Variants in DNAH2 observed in about 807,000 individuals in gnomAD.
DNAH2 encodes the protein dynein axonemal heavy chain 2, also known as axonemal beta dynein heavy chain 2.
Under a neutral mutation model 523.5 loss-of-function variants are expected in DNAH2, and 323 were observed. That is an observed-to-expected ratio of 0.62 (90% CI 0.56 to 0.68). DNAH2 has a LOEUF of 0.68. DNAH2 is among the 30% of genes least tolerant of loss of function. The pLI, the probability that DNAH2 is intolerant of heterozygous loss-of-function variation, is 0.00. For missense variants in DNAH2, 4,907 were observed against 5,701.5 expected (o/e 0.86, Z 4.49); for synonymous variants, 2,093 against 2,177.4 (o/e 0.96, Z 1.08).
At position 7,831,086 on chromosome 17, in the gene DNAH2, G is replaced by C. The variant is rs148724035; in HGVS notation, c.12231G>C (p.Arg4077=). 6.2e-7 allele frequency: 1 copy of C among 1,612,708 alleles called. No homozygotes were observed. Among genetic ancestry groups the C allele is most frequent in the South Asian group, 1.1e-5 (1 of 91,080 alleles). ...CAGTAATTATGCTATGACTCCCTAGGTTGTCAGCACTGGAGACTTATTTCA... is the reference window on the plus strand; with the variant it reads ...CAGTAATTATGCTATGACTCCCTAGCTTGTCAGCACTGGAGACTTATTTCA... ...CDQSLSTPFH[R]LSALETYFIP... is the part of the protein sequence containing the mutation. The change falls in exon 80 of 86, where the codon CGG becomes CGC. Residue 4077 remains arginine, a splice_region_variant and synonymous_variant. Coordinates refer to ENST00000572933, the MANE Select transcript of DNAH2 (RefSeq NM_020877.5). This position sits in a 1 kb window ranked among gnomAD's most constrained non-coding sequence, Gnocchi z 4.2.
At position 7,794,251 on chromosome 17, in the gene DNAH2, T is replaced by C; in HGVS notation, c.7570-3T>C. 2.5e-6 allele frequency: 4 copies of C among 1,603,934 alleles called. No individual in the cohort carries two copies. Among genetic ancestry groups the C allele is most frequent in the Non-Finnish European group, 3.4e-6 (4 of 1,175,382 alleles). ...GTCTGCCCTCCTTGTCGCTGCTCTC[T>C]AGGAAATGTTCCTGATGGCTGCCAT... is the stretch of plus-strand genomic sequence containing the variant. On this transcript the variant is annotated splice_region_variant and splice_polypyrimidine_tract_variant and intron_variant, in intron 48 of 85. Transcript: ENST00000572933.
chr17:7,804,240 C>G lies in DNAH2; in HGVS notation c.8973-16C>G, dbSNP rs1470405158. 6.2e-7 allele frequency: 1 copy of G among 1,613,598 alleles called. No individual in the cohort carries two copies. Among genetic ancestry groups the G allele is most frequent in the Non-Finnish European group, 8.5e-7 (1 of 1,179,774 alleles). ...AAGCCCCGCCTCTCCACACCCTGTC[C>G]TATTCTTTCCCCCAGGTTGCTGGGA... On this transcript the variant is annotated splice_polypyrimidine_tract_variant and intron_variant, in intron 58 of 85. Coordinates refer to ENST00000572933, the MANE Select transcript of DNAH2 (RefSeq NM_020877.5).
chr17:7,740,554 G>A lies in DNAH2; in HGVS notation c.1506+5G>A. 1 of 1,612,694 alleles carries A rather than the reference G, an allele frequency of 6.2e-7. No individual in the cohort carries two copies. The highest frequency in any genetic ancestry group is 8.5e-7 in the Non-Finnish European group (1 of 1,179,854). On this transcript the variant is annotated splice_donor_5th_base_variant and intron_variant, in intron 10 of 85. Transcript: ENST00000572933. ...CACAGGCTTGCCTCCCGCGAGGTGC[G>A]GCTGCCCCGCGGCTTCCTCGGCTTC...
chr17:7,803,458 G>A (rs2077277741), intron 58 of DNAH2, among the ~76,000 whole-genome samples: 1 of 152,118 alleles, frequency 6.6e-6, no homozygotes, highest in Admixed American at 6.6e-5. Flanking sequence ...ATCACTTGAG[G>A]TCAGGAGTTC....
In DNAH2 at chr17:7,759,626, C is replaced by T. The variant is rs1439495814; in HGVS notation, c.2637+16C>T. On this transcript the variant is annotated intron_variant, in intron 16 of 85. Transcript: ENST00000572933. ...TGTGGCACAGGTAAGAACCACTTTG[C>T]CCCCAACATCTCAAAACCATTGCAT... is the stretch of plus-strand genomic sequence containing the variant. 6.2e-7 allele frequency: 1 copy of T among 1,609,642 alleles called. No individual in the cohort carries two copies. Among genetic ancestry groups the T allele is most frequent in the Non-Finnish European group, 8.5e-7 (1 of 1,177,580 alleles).
intron 49 of DNAH2, among the ~76,000 whole-genome samples, chr17:7,796,210 G>A (rs185872910): frequency 4.0e-5 from 6 of 151,882 alleles, no homozygotes; most frequent in East Asian, 3.9e-4. Flanking sequence ...CACCACGCCC[G>A]GCTAATTTTA....
intron 6 of DNAH2, 40 bp downstream of exon 6, chr17:7,734,333 G>A (rs2075078708): frequency 2.5e-6 from 4 of 1,607,074 alleles, no homozygotes; most frequent in East Asian, 2.2e-5. Context: ...GGCGATCACA[G>A]GGGAGAGGGA....
At position 7,735,972 on chromosome 17, in the gene DNAH2, C is replaced by T. The variant is rs144902609; in HGVS notation, c.979-1095C>T. Among the ~76,000 whole-genome samples, 568 of 152,104 alleles carry T rather than the reference C, an allele frequency of 3.7e-3. 3 individuals are homozygous for T. In the East Asian group the frequency reaches 0.043, roughly 12 times the overall value. ...TTCATCATGTTGGCCAGGCTGGTCT[C>T]GAACTCCTGACCTCAGGTGATCCAC... On this transcript the variant is annotated intron_variant, in intron 7 of 85. Coordinates refer to ENST00000572933, the MANE Select transcript of DNAH2 (RefSeq NM_020877.5).
At chr17:7,724,852 C>G (rs949563670) in intron 3 of DNAH2, among the ~76,000 whole-genome samples, 1 of 148,734 alleles carries the variant, frequency 6.7e-6, no homozygotes, top group Non-Finnish European at 1.5e-5. Flanking sequence ...AAGTGATTCT[C>G]CCTCCTTAGC....
chr17:7,725,890 A>AC (rs1437249453), intron 3 of DNAH2, among the ~76,000 whole-genome samples: 3 of 150,380 alleles, frequency 2.0e-5, no homozygotes, highest in African/African-American at 7.3e-5. Context: ...ATCACTATTA[A>AC]TTTTTCTTGA....
chr17:7,759,244 T>C, intron 15 of DNAH2, 120 bp downstream of exon 15: 2 of 1,480,622 alleles, frequency 1.4e-6, no homozygotes, highest in Non-Finnish European at 1.8e-6. Context: ...TTCTCAAACA[T>C]CGTGCTCTAG....
chr17:7,788,332 A>G (rs976984457), intron 44 of DNAH2, 88 bp downstream of exon 44: 1 of 1,439,956 alleles, frequency 6.9e-7, no homozygotes, highest in Admixed American at 2.6e-5. Context: ...TGTCTGAGAC[A>G]GGTTGAACTC....
At chr17:7,830,174 C>T in intron 77 of DNAH2, 126 bp from the exon 78 acceptor site, 2 of 970,058 alleles carry the variant, frequency 2.1e-6, no homozygotes, top group Non-Finnish European at 3.0e-6. Flanking sequence ...TACATTTCAG[C>T]CTCCACTCAC....
intron 15 of DNAH2, 109 bp from the exon 16 acceptor site, chr17:7,759,313 C>A: frequency 6.8e-7 from 1 of 1,463,878 alleles, no homozygotes; most frequent in Admixed American, 2.3e-5. Context: ...CAGCGTCCTG[C>A]GTTTCCATTA....
intron 12 of DNAH2, among the ~76,000 whole-genome samples, chr17:7,752,756 T>C (rs574394777): frequency 6.6e-6 from 1 of 152,270 alleles, no homozygotes; most frequent in East Asian, 1.9e-4. Context: ...CAAATCATTA[T>C]AAAATAACAA....
chr17:7,722,437 C>T (rs1197887470), intron 2 of DNAH2, among the ~76,000 whole-genome samples: 2 of 152,140 alleles, frequency 1.3e-5, no homozygotes, highest in Non-Finnish European at 2.9e-5. Flanking sequence ...AATTTTAGAA[C>T]ATTTTTATCC....
chr17:7,819,264 T>C lies in DNAH2; in HGVS notation c.10871T>C (p.Met3624Thr), dbSNP rs1215911726. Residue 3624 changes from methionine to threonine, a missense_variant, in exon 72 of 86, where the codon ATG (methionine) becomes ACG (threonine). Physicochemically the swap from Met to Thr is moderately conservative, Grantham distance 81 (BLOSUM62 -1). Transcript: ENST00000572933. ...ASILFFVLND[M>T]GCIDPMYQFS... ...ATCCTGTTCTTCGTGCTCAATGATATGGGCTGCATCGACCCCATGTACCAG... is the reference window on the plus strand; with the variant it reads ...ATCCTGTTCTTCGTGCTCAATGATACGGGCTGCATCGACCCCATGTACCAG... 6.2e-7 allele frequency: 1 copy of C among 1,614,198 alleles called. No homozygotes were observed. The highest frequency in any genetic ancestry group is 8.5e-7 in the Non-Finnish European group (1 of 1,180,046).
intron 58 of DNAH2, among the ~76,000 whole-genome samples, chr17:7,802,831 T>TA: frequency 6.9e-6 from 1 of 144,864 alleles, no homozygotes; most frequent in Admixed American, 6.9e-5. Context: ...GCCCAGCTAT[T>TA]TTTTTTTTTT....
chr17:7,765,864 G>A (rs533601232), intron 21 of DNAH2, among the ~76,000 whole-genome samples: 5 of 151,380 alleles, frequency 3.3e-5, no homozygotes, highest in South Asian at 2.1e-4. Context: ...TGCAACCTCC[G>A]CCTCCCAGGT....
Sources: gnomAD v4.1 joint callset for allele counts (sites outside exome capture counted in the v4.1 genomes callset) on GRCh38, gnomAD v4.1.1 for gene constraint, Gnocchi (gnomAD v3.1) non-coding constraint, MANE v1.5 for transcripts, NCBI Gene and HGNC (gene_info 2026-07-23, HGNC 2026-07-21) for gene names.